DAZL: variants seen among roughly 807,000 people sequenced by gnomAD.
DAZL encodes deleted in azoospermia like.
A neutral mutation model predicts 45.0 loss-of-function variants in DAZL; 4 were observed. The observed-to-expected ratio is 0.09, with a 90% CI of 0.04 to 0.20. The LOEUF (loss-of-function observed/expected upper bound fraction) is 0.20. DAZL is among the 10% of genes least tolerant of loss of function. The pLI, the probability that DAZL is intolerant of heterozygous loss-of-function variation, is 1.00. For missense variants in DAZL, 326 were observed against 351.3 expected (o/e 0.93, Z 0.58); for synonymous variants, 122 against 112.4 (o/e 1.09, Z -0.54).
chr3:16,601,957 A>G (rs980228826), intron 1 of DAZL, among the ~76,000 whole-genome samples: 3 of 152,340 alleles, frequency 2.0e-5, no homozygotes, highest in Admixed American at 6.5e-5. Flanking sequence ...GCAAACTGAG[A>G]TTTATATAAA....
At position 16,598,535 on chromosome 3, in the gene DAZL, A is replaced by G; in HGVS notation, c.67T>C (p.Ser23Pro). 1 of 1,605,706 alleles carries G rather than the reference A, an allele frequency of 6.2e-7. No homozygotes were observed. The highest frequency in any genetic ancestry group is 2.2e-5 in the East Asian group (1 of 44,832). Reference protein sequence around the residue: ...ISREASTQSSSAATSQGYILP... With the variant: ...ISREASTQSSPAATSQGYILP... Reference sequence around the variant, plus strand: ...ATATAGCCTTGGCTGGTTGCAGCTGATGAGGACTGGGTGCTGGCCTCTCTG... The same window carrying G: ...ATATAGCCTTGGCTGGTTGCAGCTGGTGAGGACTGGGTGCTGGCCTCTCTG... Residue 23 changes from serine (S) to proline (P), a missense_variant, in exon 2 of 11, where the codon TCA becomes CCA. Ser to Pro is a moderately conservative substitution (Grantham distance 74). Transcript: ENST00000399444.
intron 2 of DAZL, 128 bp downstream of exon 2, chr3:16,598,324 C>T: frequency 6.9e-7 from 1 of 1,439,090 alleles, no homozygotes; most frequent in Non-Finnish European, 9.7e-7. Context: ...TTTTTAGTAC[C>T]TATGGGTCAA....
intron 10 of DAZL, 131 bp downstream of exon 10, chr3:16,591,919 G>C: frequency 9.4e-7 from 1 of 1,064,544 alleles, no homozygotes; most frequent in Non-Finnish European, 1.4e-6. Context: ...CTGGTTTACT[G>C]TGTTATAGTC....
chr3:16,601,632 A>C (rs1172194252), intron 1 of DAZL, among the ~76,000 whole-genome samples: 1 of 152,222 alleles, frequency 6.6e-6, no homozygotes, highest in Non-Finnish European at 1.5e-5. Context: ...CAAAAGCTTA[A>C]TTTTAAAGAA....
rs1427160182 is a variant in DAZL at position 16,587,227 on chromosome 3, C to T, written c.*1433G>A. 1 of 151,952 alleles carries T rather than the reference C, an allele frequency of 6.6e-6. No individual in the cohort carries two copies. The highest frequency in any genetic ancestry group is 1.5e-5 in the Non-Finnish European group (1 of 67,966). The allele number at this position is 151,952 out of a possible 1,614,324, so 9.4% of individuals were successfully genotyped here. A position where few individuals can be genotyped will look rare whatever the true frequency, so the allele number is the denominator to read the frequency against. ...ATGAAAATTTTAAGGAATTATAGAC[C>T]CTAGGGGGCACTAGTAATATGGCTC... is the stretch of plus-strand genomic sequence containing the variant. On this transcript the variant is annotated 3_prime_UTR_variant, in exon 11 of 11. Transcript: ENST00000399444.
chr3:16,598,974 G>A (rs1273375775), intron 1 of DAZL, among the ~76,000 whole-genome samples: 1 of 151,830 alleles, frequency 6.6e-6, no homozygotes, highest in Admixed American at 6.6e-5. Context: ...GTAGAGATGG[G>A]GTTTCTCCAT....
chr3:16,600,503 GT>G (rs1301353579), intron 1 of DAZL, among the ~76,000 whole-genome samples: 2 of 152,136 alleles, frequency 1.3e-5, no homozygotes, highest in East Asian at 3.8e-4. Flanking sequence ...TATTTCTACA[GT>G]TTTTCCTTTC....
rs565976948 is a variant in DAZL, at chr3:16,605,355, C to T, written c.-150G>A. 2 of 977,204 alleles carry T rather than the reference C, an allele frequency of 2.0e-6. No individual in the cohort carries two copies. The highest frequency in any genetic ancestry group is 3.3e-6 in the Non-Finnish European group (2 of 611,786). 60.5% of individuals were successfully genotyped at this position (977,204 alleles called of 1,614,324 possible). A position where few individuals can be genotyped will look rare whatever the true frequency, so the allele number is the denominator to read the frequency against. ...GCCAAAGATGAAGAGAAAAGGAAAA[C>T]CAAGAGCGGGTGACAAGGCTGAGGA... On this transcript the variant is annotated 5_prime_UTR_variant, in exon 1 of 11. Transcript: ENST00000399444.
chr3:16,604,744 G>A, intron 1 of DAZL: 3 of 1,364,114 alleles, frequency 2.2e-6, no homozygotes, highest in Admixed American at 3.3e-5. Context: ...GAGCCACGGG[G>A]AGAGCGCGCC....
At chr3:16,594,726 C>T in intron 7 of DAZL, 143 bp from the exon 8 acceptor site, 1 of 546,232 alleles carries the variant, frequency 1.8e-6, no homozygotes, top group Non-Finnish European at 3.1e-6. Flanking sequence ...AAAAAAAGTA[C>T]TTTATGTTTC....
At chr3:16,599,465 G>A (rs1019976572) in intron 1 of DAZL, among the ~76,000 whole-genome samples, 2 of 152,064 alleles carry the variant, frequency 1.3e-5, no homozygotes, top group Non-Finnish European at 2.9e-5. Flanking sequence ...ATGGATCATG[G>A]AAACATTATT....
chr3:16,598,239 T>G (rs1694630469), intron 2 of DAZL, 61 bp from the exon 3 acceptor site: 12 of 1,484,466 alleles, frequency 8.1e-6, no homozygotes, highest in Non-Finnish European at 1.1e-5. Flanking sequence ...TTAATTTTAC[T>G]AAAAGAAGGT....
intron 1 of DAZL, chr3:16,604,531 G>A (rs1412352141): frequency 1.4e-6 from 2 of 1,471,584 alleles, no homozygotes; most frequent in South Asian, 1.4e-5. Context: ...TGACAGGCGC[G>A]AGGGGACCAG....
intron 10 of DAZL, among the ~76,000 whole-genome samples, chr3:16,589,899 T>TA (rs34303748): frequency 0.19 from 26,921 of 143,874 alleles, 2,978 homozygotes; most frequent in African/African-American, 0.33. Context: ...TTCTGTCTCT[T>TA]AAAAAAAAAA....
intron 1 of DAZL, among the ~76,000 whole-genome samples, chr3:16,598,909 G>A (rs1694641772): frequency 6.6e-6 from 1 of 151,566 alleles, no homozygotes; most frequent in South Asian, 2.1e-4. Context: ...TCAGCCTCCT[G>A]AGTAGCTGGG....
intron 1 of DAZL, chr3:16,604,435 C>G: frequency 6.5e-7 from 1 of 1,531,624 alleles, no homozygotes; most frequent in Non-Finnish European, 8.7e-7. Flanking sequence ...ACTGCTGAAA[C>G]CAACCTCGTG....
Position 16,598,442 on chromosome 3 carries a change from A to T in DAZL, c.150+10T>A. On this transcript the variant is annotated intron_variant, in intron 2 of 10. Transcript: ENST00000399444. ...CATTTCAAGGTAAAAATGAGGTATG[A>T]ATACAATACCCTAACATCAATTCCT... 1 of 1,606,450 alleles carries T rather than the reference A, an allele frequency of 6.2e-7. No homozygotes were observed. The highest frequency in any genetic ancestry group is 8.5e-7 in the Non-Finnish European group (1 of 1,176,252).
chr3:16,602,832 T>C (rs538524281), intron 1 of DAZL, among the ~76,000 whole-genome samples: 124 of 152,348 alleles, frequency 8.1e-4, no homozygotes, highest in Admixed American at 2.3e-3. Flanking sequence ...AGTGAAATAC[T>C]AGAGTCATCT....
chr3:16,604,342 G>A (rs1694740186), intron 1 of DAZL: 1 of 1,120,630 alleles, frequency 8.9e-7, no homozygotes, highest in South Asian at 1.4e-5. Flanking sequence ...TCTACCAAAT[G>A]GACATTTTGT....
Sources: gnomAD v4.1 joint callset for allele counts (sites outside exome capture counted in the v4.1 genomes callset) on GRCh38, gnomAD v4.1.1 for gene constraint, MANE v1.5 for transcripts, NCBI Gene and HGNC (gene_info 2026-07-23, HGNC 2026-07-21) for gene names.